Variants in KIF13A observed in about 807,000 individuals in gnomAD.
KIF13A encodes the protein kinesin-like protein KIF13A.
Under a neutral mutation model 212.2 loss-of-function variants are expected in KIF13A, and 79 were observed. The ratio of observed to expected loss-of-function variants is 0.37; its 90% CI spans 0.31 to 0.45. The LOEUF (loss-of-function observed/expected upper bound fraction) is 0.45. Among genes scored for constraint, KIF13A ranks in the 20% least tolerant of loss-of-function variants. The pLI, the probability that KIF13A is intolerant of heterozygous loss-of-function variation, is 1.00. For synonymous variants in KIF13A, 789 were observed against 808.6 expected, an observed-to-expected ratio of 0.98 and a Z score of 0.41; for missense variants, 1,901 against 2,209.0, an observed-to-expected ratio of 0.86 and a Z score of 2.79.
Position 17,794,517 on chromosome 6 carries a change from G to A in KIF13A, c.3075+55C>T, listed in dbSNP as rs1384245543. On this transcript the variant is annotated intron_variant, in intron 24 of 38. Coordinates refer to ENST00000259711, the MANE Select transcript of KIF13A (RefSeq NM_022113.6). The surrounding 1 kb of genome is among the most constrained non-coding windows in gnomAD (Gnocchi z 4.1). ...GTTAGAAAATCCCCAGAAACAATGTGTAAGAGTGGAACAGAGAGAAAACAT... is the reference window on the plus strand; with the variant it reads ...GTTAGAAAATCCCCAGAAACAATGTATAAGAGTGGAACAGAGAGAAAACAT... 1.8e-5 allele frequency: 29 copies of A among 1,574,546 alleles called. No individual in the cohort carries two copies. The highest frequency in any genetic ancestry group is 2.3e-5 in the Non-Finnish European group (27 of 1,161,652).
In KIF13A at chr6:17,886,243, T is replaced by C. The variant is rs1771524311; in HGVS notation, c.159+11925A>G. Among the ~76,000 whole-genome samples the C allele has an allele frequency of 6.6e-6, 1 of 152,208 alleles. No homozygotes were observed. Among genetic ancestry groups the C allele is most frequent in the Non-Finnish European group, 1.5e-5 (1 of 68,042 alleles). On this transcript the variant is annotated intron_variant, in intron 3 of 38. Coordinates refer to ENST00000259711, the MANE Select transcript of KIF13A (RefSeq NM_022113.6). This position sits in a 1 kb window ranked among gnomAD's most constrained non-coding sequence, Gnocchi z 5.6. ...AACTTCTGGACCAAGACCTCATTTC[T>C]TGTGCCTATCTCTCCAGTCCCCTCT... is the stretch of plus-strand genomic sequence containing the variant.
At position 17,851,916 on chromosome 6, in the gene KIF13A, T is replaced by C. The variant is rs190167930; in HGVS notation, c.582+39A>G. 2.4e-3 allele frequency: 2,522 copies of C among 1,063,750 alleles called. 10 individuals carry two copies. The highest frequency in any genetic ancestry group is 5.2e-3 in the Middle Eastern group (25 of 4,832). The allele number at this position is 1,063,750 out of a possible 1,614,324, so 65.9% of individuals were successfully genotyped here. A position where few individuals can be genotyped will look rare whatever the true frequency, so the allele number is the denominator to read the frequency against. ...AGTATCACTTACATACTTTGATTTA[T>C]AGTCAGCTTTTAATCACATTTTAAA... On this transcript the variant is annotated intron_variant, in intron 7 of 38. Transcript: ENST00000259711.
intron 3 of KIF13A, among the ~76,000 whole-genome samples, chr6:17,890,807 A>AATC (rs1017381722): frequency 2.7e-5 from 4 of 148,678 alleles, no homozygotes; most frequent in African/African-American, 9.9e-5. Context: ...TAATAATAAT[A>AATC]ATAATAATAA....
chr6:17,804,581 A>G, intron 19 of KIF13A, 71 bp from the exon 20 acceptor site: 1 of 1,334,502 alleles, frequency 7.5e-7, no homozygotes, highest in African/African-American at 1.5e-5. Context: ...TATTATTTAA[A>G]ACTAGCATTT....
chr6:17,945,429 G>A (rs958056432), intron 2 of KIF13A, among the ~76,000 whole-genome samples: 6 of 151,902 alleles, frequency 3.9e-5, no homozygotes, highest in South Asian at 2.1e-4. Flanking sequence ...ATCTAGGTCC[G>A]GAGTTTAACT....
chr6:17,904,845 T>A (rs1383457463), intron 2 of KIF13A, among the ~76,000 whole-genome samples: 3 of 152,260 alleles, frequency 2.0e-5, no homozygotes, highest in African/African-American at 7.2e-5. Context: ...TTTCATGTAT[T>A]AAAATACTTT....
intron 4 of KIF13A, among the ~76,000 whole-genome samples, chr6:17,857,432 T>TTC (rs960687600): frequency 2.6e-5 from 4 of 152,096 alleles, no homozygotes; most frequent in East Asian, 1.9e-4. Context: ...TTGAGTTCTT[T>TTC]TCTCTCTCTC....
intron 2 of KIF13A, among the ~76,000 whole-genome samples, chr6:17,910,195 AT>A (rs1349912049): frequency 6.6e-6 from 1 of 152,244 alleles, no homozygotes; most frequent in African/African-American, 2.4e-5. Context: ...TAGATCCAAC[AT>A]TTTAAAATGT....
chr6:17,809,433 A>AT lies in KIF13A; in HGVS notation c.2001-504dup, dbSNP rs1361314245. On this transcript the variant is annotated intron_variant, in intron 17 of 38. Transcript: ENST00000259711. The surrounding 1 kb of genome is among the most constrained non-coding windows in gnomAD (Gnocchi z 4.7). ...ACTCTCTGTACAACATTACTTGCTG[A>AT]TAAAAAGCTTCTCTAATATCCCAGA... is the stretch of plus-strand genomic sequence containing the variant. Among the ~76,000 whole-genome samples the AT allele has an allele frequency of 6.6e-6, 1 of 152,234 alleles. No homozygotes were observed. Among genetic ancestry groups the AT allele is most frequent in the Non-Finnish European group, 1.5e-5 (1 of 68,046 alleles).
chr6:17,764,474 A>G lies in KIF13A; in HGVS notation c.5054T>C (p.Ile1685Thr). The G allele has an allele frequency of 2.5e-6, 4 of 1,613,958 alleles. No homozygotes were observed. Among genetic ancestry groups the G allele is most frequent in the Non-Finnish European group, 3.4e-6 (4 of 1,179,878 alleles). Residue 1685 changes from isoleucine (I) to threonine (T), a missense_variant, in exon 39 of 39, where the codon ATC becomes ACC. Ile to Thr is a moderately conservative substitution (Grantham distance 89, BLOSUM62 -1). Transcript: ENST00000259711. The surrounding 1 kb of genome is among the most constrained non-coding windows in gnomAD (Gnocchi z 5.1). Reference protein sequence around the residue: ...LAKGSPSSQSIPEKNSKSLCR... With the variant: ...LAKGSPSSQSTPEKNSKSLCR... ...CAGTGATTTGGAGTTTTTCTCAGGG[A>G]TGCTCTGGGATGATGGGCTCCCTTT...
At position 17,808,955 on chromosome 6, in the gene KIF13A, G is replaced by A. The variant is rs764355812; in HGVS notation, c.2001-25C>T. ...CCTGCAGTGTCATAGAAAAGGGAAC[G>A]AGAAAATCTAAAGGAAAACTGCAAT... On this transcript the variant is annotated intron_variant, in intron 17 of 38. Coordinates refer to ENST00000259711, the MANE Select transcript of KIF13A (RefSeq NM_022113.6). 1.6e-5 allele frequency: 25 copies of A among 1,544,288 alleles called. No individual in the cohort carries two copies. In the East Asian group the frequency reaches 4.2e-4, roughly 26 times the overall value.
intron 2 of KIF13A, among the ~76,000 whole-genome samples, chr6:17,933,889 T>C (rs574748884): frequency 1.5e-4 from 23 of 152,282 alleles, no homozygotes; most frequent in African/African-American, 5.1e-4. Flanking sequence ...GGCTTAATAA[T>C]CACATTTATC....
rs1759624632 is a variant in KIF13A at position 17,772,933 on chromosome 6, T to C, written c.4324+545A>G. The stretch of plus-strand genomic sequence containing the variant: ...TCCAATTTGTTAGTATAATGGCGAA[T>C]ATACCTTATATTTTACCTACTAATA... On this transcript the variant is annotated intron_variant, in intron 36 of 38. Transcript: ENST00000259711. This position sits in a 1 kb window ranked among gnomAD's most constrained non-coding sequence, Gnocchi z 4.8. Among the ~76,000 whole-genome samples the C allele has an allele frequency of 6.6e-6, 1 of 152,202 alleles. No individual in the cohort carries two copies. The highest frequency in any genetic ancestry group is 1.5e-5 in the Non-Finnish European group (1 of 68,028).
chr6:17,970,454 T>TTA (rs879493521), intron 2 of KIF13A, among the ~76,000 whole-genome samples: 7 of 151,648 alleles, frequency 4.6e-5, no homozygotes, highest in Middle Eastern at 3.4e-3. Context: ...AATACAAAAA[T>TTA]TATATATATA....
intron 3 of KIF13A, among the ~76,000 whole-genome samples, chr6:17,893,255 C>T (rs932201877): frequency 2.4e-4 from 37 of 152,178 alleles, no homozygotes; most frequent in Admixed American, 2.2e-3. Flanking sequence ...TTGCCCTTAC[C>T]TGAGCACAGC....
intron 20 of KIF13A, among the ~76,000 whole-genome samples, chr6:17,803,037 G>A (rs992356634): frequency 6.6e-6 from 1 of 151,126 alleles, no homozygotes; most frequent in African/African-American, 2.4e-5. Context: ...GGGTTCAAGC[G>A]ATTCTCCTGC....
At chr6:17,779,908 C>CT (rs1162367090) in intron 31 of KIF13A, among the ~76,000 whole-genome samples, 39 of 145,326 alleles carry the variant, frequency 2.7e-4, no homozygotes, top group African/African-American at 4.3e-4. Flanking sequence ...ACCTGGCTAA[C>CT]TTTTTTTTTT....
At chr6:17,960,684 C>G (rs1012469594) in intron 2 of KIF13A, among the ~76,000 whole-genome samples, 1 of 152,102 alleles carries the variant, frequency 6.6e-6, no homozygotes, top group African/African-American at 2.4e-5. Context: ...CCAAAGGGAC[C>G]ATGGGTTTTA....
intron 2 of KIF13A, among the ~76,000 whole-genome samples, chr6:17,901,081 CAAAAAAAAAAAAA>C (rs34266366): frequency 3.4e-4 from 24 of 70,288 alleles, no homozygotes; most frequent in African/African-American, 1.1e-3. Flanking sequence ...GACTCTGTCT[CAAAAAAAAAAAAA>C]AAAAAAAAAA....
Sources: gnomAD v4.1 joint callset for allele counts (sites outside exome capture counted in the v4.1 genomes callset) on GRCh38, gnomAD v4.1.1 for gene constraint, Gnocchi (gnomAD v3.1) non-coding constraint, MANE v1.5 for transcripts, NCBI Gene and HGNC (gene_info 2026-07-23, HGNC 2026-07-21) for gene names.